Variants in PRR5 observed in about 807,000 individuals in gnomAD.
The protein encoded by PRR5 is proline rich 5, also known as proline-rich protein 5.
A neutral mutation model predicts 30.6 loss-of-function variants in PRR5; 25 were observed. That is an observed-to-expected ratio of 0.82 (90% CI 0.60 to 1.14). The LOEUF (loss-of-function observed/expected upper bound fraction) is 1.14, where lower values mean the gene tolerates loss of function less well. Among genes scored for constraint, PRR5 ranks in the 50% most tolerant of loss-of-function variants. PRR5 has a pLI of 0.00. For missense variants in PRR5, 600 were observed against 547.1 expected (o/e 1.10, Z -0.96); for synonymous variants, 286 against 247.1 (o/e 1.16, Z -1.48).
intron 1 of PRR5, among the ~76,000 whole-genome samples, chr22:44,689,263 T>G (rs891054290): frequency 1.2e-4 from 19 of 152,178 alleles, no homozygotes; most frequent in African/African-American, 4.6e-4. Flanking sequence ...CCAGTTAGTC[T>G]GCTAACTCAC....
intron 4 of PRR5, among the ~76,000 whole-genome samples, chr22:44,728,484 G>C (rs1417769969): frequency 6.6e-6 from 1 of 152,252 alleles, no homozygotes; most frequent in Non-Finnish European, 1.5e-5. Context: ...GGTGACAGTT[G>C]AGTGTGATTA....
At chr22:44,672,450 G>T (rs971081262), upstream of PRR5, among the ~76,000 whole-genome samples, 5 of 152,144 alleles carry the variant, frequency 3.3e-5, no homozygotes, top group African/African-American at 7.2e-5. Context: ...CAGGCGTGGT[G>T]GCACACACCT....
chr22:44,670,198 G>A (rs77930953), intron 1 of PRR5, among the ~76,000 whole-genome samples: 7,123 of 152,250 alleles, frequency 0.047, 583 homozygotes, highest in African/African-American at 0.16. Flanking sequence ...CCATCCTGGC[G>A]TCTACAACTT....
chr22:44,737,207 C>T lies in PRR5; in HGVS notation c.1127C>T (p.Ser376Phe), dbSNP rs1239065296. ...GGCCGGGGCCGGGGCTCTGGCATGT[C>T]CGACTTGGAGGGCTCTGGGGGCCGG... ...DFGRGRGSGM[S>F]DLEGSGGRQS... The change falls in exon 8 of 8, where the codon TCC (serine) becomes TTC (phenylalanine). Residue 376 changes from serine to phenylalanine, a missense_variant. Physicochemically the swap from Ser to Phe is radical, Grantham distance 155 (BLOSUM62 -2). Coordinates refer to ENST00000336985, the MANE Select transcript of PRR5 (RefSeq NM_181333.4). 1.2e-6 allele frequency: 2 copies of T among 1,610,270 alleles called. No individual in the cohort carries two copies. The highest frequency in any genetic ancestry group is 8.5e-7 in the Non-Finnish European group (1 of 1,178,094).
chr22:44,686,638 C>T (rs1601958880), intron 1 of PRR5, among the ~76,000 whole-genome samples: 2 of 152,356 alleles, frequency 1.3e-5, no homozygotes, highest in East Asian at 1.9e-4. Context: ...GCCTCAGCCT[C>T]CTGAGTAGCT....
intron 1 of PRR5, among the ~76,000 whole-genome samples, chr22:44,693,346 T>TA (rs1925450055): frequency 6.6e-6 from 1 of 151,928 alleles, no homozygotes. Context: ...CCTGTAGTCC[T>TA]AGCTACCAGG....
chr22:44,695,051 A>G (rs1459805151), intron 1 of PRR5, among the ~76,000 whole-genome samples: 2 of 152,070 alleles, frequency 1.3e-5, no homozygotes, highest in African/African-American at 2.4e-5. Context: ...GGCACCTGTA[A>G]TCCCAGCTAC....
In PRR5 at chr22:44,736,986, C is replaced by A; in HGVS notation, c.906C>A (p.Gly302=). Reference sequence around the variant, plus strand: ...GCTTCTCCGACCCGCCCGGCCAGGGCCCCACCGGGACCTTCAGGTCCTCCC... The same window carrying A: ...GCTTCTCCGACCCGCCCGGCCAGGGACCCACCGGGACCTTCAGGTCCTCCC... The part of the protein sequence containing the change: ...PQGFSDPPGQ[G]PTGTFRSSPA... The change falls in exon 8 of 8, where the codon GGC becomes GGA. Residue 302 remains glycine (G), a synonymous_variant. Coordinates refer to ENST00000336985, the MANE Select transcript of PRR5 (RefSeq NM_181333.4). The A allele has an allele frequency of 6.2e-7, 1 of 1,600,628 alleles. No individual in the cohort carries two copies. Among genetic ancestry groups the A allele is most frequent in the South Asian group, 1.1e-5 (1 of 90,680 alleles).
intron 2 of PRR5, among the ~76,000 whole-genome samples, chr22:44,723,942 G>C (rs1367210938): frequency 6.6e-6 from 1 of 152,210 alleles, no homozygotes; most frequent in Non-Finnish European, 1.5e-5. Context: ...ACTGCTGACA[G>C]ATACTTAGGG....
chr22:44,730,259 G>A (rs1602085758), intron 4 of PRR5: 5 of 984,816 alleles, frequency 5.1e-6, no homozygotes, highest in Non-Finnish European at 6.0e-6. Context: ...GGCCGGGGGC[G>A]CAGCCTGAGA....
upstream of PRR5, among the ~76,000 whole-genome samples, chr22:44,699,699 G>T (rs1926080963): frequency 6.6e-6 from 1 of 152,214 alleles, no homozygotes; most frequent in Non-Finnish European, 1.5e-5. Flanking sequence ...GTCATCGGGT[G>T]ACAACAGGAC....
At chr22:44,728,327 C>A (rs970890752) in intron 4 of PRR5, among the ~76,000 whole-genome samples, 1 of 152,208 alleles carries the variant, frequency 6.6e-6, no homozygotes, top group Non-Finnish European at 1.5e-5. Context: ...CCTGTCTTAG[C>A]AATGTGGGGT....
rs1293519572 is a variant in PRR5, at chr22:44,731,826, G to A, written c.414+5G>A. ...GCCATCTTCTACCCGGTGCAGGTGG[G>A]CAGCCCAGCCCTGGGGAGGGAAGCC... On this transcript the variant is annotated splice_donor_5th_base_variant and intron_variant, in intron 5 of 7. Transcript: ENST00000336985. 8 of 1,611,860 alleles carry A rather than the reference G, an allele frequency of 5.0e-6. No individual in the cohort carries two copies. Among genetic ancestry groups the A allele is most frequent in the Non-Finnish European group, 6.8e-6 (8 of 1,179,670 alleles).
In PRR5 at chr22:44,685,072, C is replaced by T. The variant is rs141229536; in HGVS notation, c.-11+7832C>T. 1.0e-3 allele frequency among the ~76,000 whole-genome samples: 159 copies of T among 152,322 alleles called. 1 individual carries two copies. Among genetic ancestry groups the T allele is most frequent in the African/African-American group, 3.5e-3 (146 of 41,570 alleles). On this transcript the variant is annotated intron_variant, in intron 1 of 8. Coordinates refer to the PRR5 transcript ENST00000006251. ...ATTTCAGCCCTTCCACTCACTCACC[C>T]TACAACCCGGGCAAGTCAGCTTTCC...
intron 4 of PRR5, 48 bp downstream of exon 4, chr22:44,726,682 G>C (rs375471977): frequency 1.5e-5 from 25 of 1,613,036 alleles, no homozygotes; most frequent in Non-Finnish European, 2.1e-5. Flanking sequence ...CTGGGTCCTG[G>C]CTGGCTGCTG....
At chr22:44,684,823 G>A (rs1924603589) in intron 1 of PRR5, among the ~76,000 whole-genome samples, 1 of 152,242 alleles carries the variant, frequency 6.6e-6, no homozygotes, top group Non-Finnish European at 1.5e-5. Context: ...GCCGTGCTGG[G>A]TGAGGTCATC....
intron 1 of PRR5, among the ~76,000 whole-genome samples, chr22:44,683,177 C>G (rs564353432): frequency 6.6e-6 from 1 of 152,194 alleles, no homozygotes; most frequent in Non-Finnish European, 1.5e-5. Flanking sequence ...GCTGATTGCT[C>G]AGGCTGCCTG....
upstream of PRR5, among the ~76,000 whole-genome samples, chr22:44,699,854 T>A (rs117400173): frequency 2.4e-3 from 368 of 152,342 alleles, 1 homozygote; most frequent in Non-Finnish European, 3.3e-3. Flanking sequence ...GGATCTGGGC[T>A]TTATCCTCTG....
intron 1 of PRR5, among the ~76,000 whole-genome samples, chr22:44,692,395 A>G (rs1368571295): frequency 1.4e-5 from 1 of 73,412 alleles, no homozygotes; most frequent in African/African-American, 5.5e-5. Context: ...CCTCCACCTT[A>G]GCTCCTCCAC....
Sources: allele counts gnomAD v4.1 joint callset (sites outside exome capture counted in the v4.1 genomes callset), GRCh38; gene constraint gnomAD v4.1.1; transcripts MANE v1.5; gene names NCBI Gene and HGNC (gene_info 2026-07-23, HGNC 2026-07-21).